C7orf33: variants seen among roughly 807,000 people sequenced by gnomAD.
C7orf33 encodes the protein uncharacterized protein C7orf33.
C7orf33 carries 15 observed loss-of-function variants against 13.4 expected under a neutral mutation model. The ratio of observed to expected loss-of-function variants is 1.12; its 90% CI spans 0.75 to 1.72. The LOEUF is 1.72. Among genes scored for constraint, C7orf33 ranks in the 40% most tolerant of loss-of-function variants. The probability of loss-of-function intolerance (pLI) is 0.00; values close to 1 mark genes in which losing one functional copy is unlikely to be tolerated. For synonymous variants in C7orf33, 73 were observed against 83.2 expected (o/e 0.88, Z 0.67); for missense variants, 187 against 220.3 (o/e 0.85, Z 0.96).
chr7:148,598,842 TA>T (rs2116892086), intron 1 of C7orf33, among the ~76,000 whole-genome samples: 1 of 147,040 alleles, frequency 6.8e-6, no homozygotes, highest in East Asian at 2.0e-4. Flanking sequence ...GGAATGAAAT[TA>T]TTTATCTTTT....
chr7:148,595,022 C>A (rs1796312262), intron 1 of C7orf33, among the ~76,000 whole-genome samples: 2 of 151,858 alleles, frequency 1.3e-5, no homozygotes, highest in Non-Finnish European at 2.9e-5. Flanking sequence ...AAGTCCTGAC[C>A]ACCTAACAAT....
chr7:148,596,737 G>A (rs1267387316), intron 1 of C7orf33, among the ~76,000 whole-genome samples: 1 of 151,906 alleles, frequency 6.6e-6, no homozygotes, highest in South Asian at 2.1e-4. Flanking sequence ...ATTTGGGTGG[G>A]GACACAACCA....
intron 1 of C7orf33, among the ~76,000 whole-genome samples, chr7:148,603,883 G>A (rs891266180): frequency 6.6e-6 from 1 of 152,040 alleles, no homozygotes; most frequent in Non-Finnish European, 1.5e-5. Flanking sequence ...ACCATTTGAT[G>A]GTAGTTACTG....
In C7orf33 at chr7:148,614,258, T is replaced by C. The variant is rs752532113; in HGVS notation, c.421T>C (p.Tyr141His). The change falls in exon 2 of 3, where the codon TAC becomes CAC. Residue 141 changes from tyrosine to histidine, a missense_variant. Physicochemically the swap from Tyr to His is moderately conservative, Grantham distance 83 (BLOSUM62 2). Transcript: ENST00000307003. ...SSYLDLLTLS[Y>H]KPGRTVTSSY... is the part of the protein sequence containing the mutation. ...TTACCTAGATCTGCTAACTCTCTCT[T>C]ACAAGCCTGGGAGGACAGTGACAAG... The C allele has an allele frequency of 3.7e-6, 6 of 1,614,166 alleles. No homozygotes were observed. The highest frequency in any genetic ancestry group is 5.1e-6 in the Non-Finnish European group (6 of 1,180,020).
In C7orf33 at chr7:148,615,699, G is replaced by GATTTCAACTTAACTT; in HGVS notation, c.*298_*299insATTTCAACTTAACTT. On this transcript the variant is annotated 3_prime_UTR_variant, in exon 3 of 3. Coordinates refer to ENST00000307003, the MANE Select transcript of C7orf33 (RefSeq NM_145304.4). ...CTAAAGGGAGACGAAGATCCCCAGAGGACCTGGATAGAGATGTTTCCCTGA... is the reference window on the plus strand; with the variant it reads ...CTAAAGGGAGACGAAGATCCCCAGAGATTTCAACTTAACTTGACCTGGATAGAGATGTTTCCCTGA... 3.2e-6 allele frequency: 1 copy of GATTTCAACTTAACTT among 310,720 alleles called. No homozygotes were observed. Among genetic ancestry groups the GATTTCAACTTAACTT allele is most frequent in the East Asian group, 6.7e-5 (1 of 14,998 alleles). 19.2% of individuals were successfully genotyped at this position (310,720 alleles called of 1,614,324 possible).
intron 1 of C7orf33, among the ~76,000 whole-genome samples, chr7:148,603,675 T>C (rs1796441287): frequency 6.6e-6 from 1 of 151,908 alleles, no homozygotes; most frequent in Non-Finnish European, 1.5e-5. Context: ...AACAAAGAAG[T>C]CATAAAATTG....
intron 1 of C7orf33, among the ~76,000 whole-genome samples, chr7:148,608,697 C>A (rs1450233903): frequency 6.6e-6 from 1 of 151,726 alleles, no homozygotes; most frequent in African/African-American, 2.4e-5. Context: ...TGCCTGTAGT[C>A]CCAGCTACTC....
intron 1 of C7orf33, among the ~76,000 whole-genome samples, chr7:148,606,640 G>A (rs906830243): frequency 2.6e-5 from 4 of 152,106 alleles, no homozygotes; most frequent in Admixed American, 6.6e-5. Flanking sequence ...GTATAGTGGC[G>A]TGATCTCAGC....
chr7:148,595,865 A>T (rs77506212), intron 1 of C7orf33, among the ~76,000 whole-genome samples: 3,566 of 150,408 alleles, frequency 0.024, 146 homozygotes, highest in African/African-American at 0.083. Context: ...ACTTCATTTT[A>T]TGAGAGGATG....
Position 148,607,382 on chromosome 7 carries a change from C to A in C7orf33, c.205-6660C>A, listed in dbSNP as rs866212601. On this transcript the variant is annotated intron_variant, in intron 1 of 2. Coordinates refer to ENST00000307003, the MANE Select transcript of C7orf33 (RefSeq NM_145304.4). ...ATTTAAGCAAATGGAGGGCAGAGAG[C>A]TTTCCTGCATCTGTTTCTTCTTAAT... Among the ~76,000 whole-genome samples the A allele has an allele frequency of 5.6e-4, 86 of 152,256 alleles. 1 individual carries two copies. The highest frequency in any genetic ancestry group is 3.4e-3 in the Middle Eastern group (1 of 294).
chr7:148,597,971 G>T (rs1443478746), intron 1 of C7orf33, among the ~76,000 whole-genome samples: 1 of 152,144 alleles, frequency 6.6e-6, no homozygotes, highest in Non-Finnish European at 1.5e-5. Context: ...TAGCCAGGAT[G>T]ATCTCGATCT....
At chr7:148,597,538 T>C (rs1796353792) in intron 1 of C7orf33, among the ~76,000 whole-genome samples, 2 of 152,106 alleles carry the variant, frequency 1.3e-5, no homozygotes, top group Non-Finnish European at 2.9e-5. Context: ...CACCTTGGCC[T>C]CCCAAAGTGC....
At chr7:148,604,623 G>A (rs1028770976) in intron 1 of C7orf33, among the ~76,000 whole-genome samples, 2 of 152,188 alleles carry the variant, frequency 1.3e-5, no homozygotes, top group African/African-American at 4.8e-5. Context: ...CTGCTCAGGT[G>A]ATGGGTCCAC....
At position 148,614,250 on chromosome 7, in the gene C7orf33, C is replaced by A; in HGVS notation, c.413C>A (p.Thr138Asn). 6.2e-7 allele frequency: 1 copy of A among 1,614,126 alleles called. No homozygotes were observed. The highest frequency in any genetic ancestry group is 2.2e-5 in the East Asian group (1 of 44,888). Residue 138 changes from threonine to asparagine, a missense_variant, in exon 2 of 3, where the codon ACT (threonine) becomes AAT (asparagine). Coordinates refer to ENST00000307003, the MANE Select transcript of C7orf33 (RefSeq NM_145304.4). ...TCTTCCAGTTACCTAGATCTGCTAA[C>A]TCTCTCTTACAAGCCTGGGAGGACA... ...TLSSSYLDLL[T>N]LSYKPGRTVT...
chr7:148,591,186 G>A, intron 1 of C7orf33, 57 bp downstream of exon 1: 2 of 1,386,050 alleles, frequency 1.4e-6, no homozygotes, highest in Non-Finnish European at 1.0e-6. Flanking sequence ...AGTATCTCTT[G>A]AGAATTCATT....
At chr7:148,595,574 ATAAT>A (rs1237819585) in intron 1 of C7orf33, among the ~76,000 whole-genome samples, 1 of 133,220 alleles carries the variant, frequency 7.5e-6, no homozygotes, top group East Asian at 2.1e-4. Context: ...TATAATATAT[ATAAT>A]ATAGATCTAT....
intron 1 of C7orf33, among the ~76,000 whole-genome samples, chr7:148,608,910 G>C (rs1178607697): frequency 6.6e-6 from 1 of 152,170 alleles, no homozygotes; most frequent in Non-Finnish European, 1.5e-5. Flanking sequence ...TGCCTCCCTA[G>C]TGTGAAGCAT....
At chr7:148,615,191 G>C in intron 2 of C7orf33, 136 bp from the exon 3 acceptor site, 1 of 592,874 alleles carries the variant, frequency 1.7e-6, no homozygotes, top group Non-Finnish European at 3.1e-6. Context: ...CACCCACCTT[G>C]GCCTCTCAAA....
intron 1 of C7orf33, among the ~76,000 whole-genome samples, chr7:148,607,457 C>A (rs1408433603): frequency 6.6e-6 from 1 of 152,194 alleles, no homozygotes; most frequent in Non-Finnish European, 1.5e-5. Context: ...TCTGGACTCC[C>A]ACACATGTCT....
Sources: allele counts gnomAD v4.1 joint callset (sites outside exome capture counted in the v4.1 genomes callset), GRCh38; gene constraint gnomAD v4.1.1; transcripts MANE v1.5; gene names NCBI Gene and HGNC (gene_info 2026-07-23, HGNC 2026-07-21).